MAN1B1: variants seen among roughly 807,000 people sequenced by gnomAD.
MAN1B1 encodes the protein mannosidase alpha class 1B member 1.
In MAN1B1, 66 loss-of-function variants were observed where a neutral mutation model predicts 75.5. The observed-to-expected ratio is 0.87, with a 90% CI of 0.72 to 1.07. The LOEUF (loss-of-function observed/expected upper bound fraction) is 1.07. Among genes scored for constraint, MAN1B1 ranks in the 50% least tolerant of loss-of-function variants. MAN1B1 has a pLI of 0.00. For missense variants in MAN1B1, 973 were observed against 912.5 expected (o/e 1.07, Z -0.85); for synonymous variants, 453 against 382.8 (o/e 1.18, Z -2.14).
intron 8 of MAN1B1, chr9:137,102,293 G>A (rs1830858220): frequency 2.7e-6 from 1 of 375,460 alleles, no homozygotes; most frequent in East Asian, 9.1e-5. Flanking sequence ...ATTCACTGTT[G>A]CAGGCGTGCA....
At chr9:137,097,746 C>G in intron 4 of MAN1B1, 82 bp from the exon 5 acceptor site, 1 of 1,090,220 alleles carries the variant, frequency 9.2e-7, no homozygotes, top group South Asian at 1.3e-5. Context: ...TGTGCCTTGG[C>G]CGTGGGTATG....
intron 3 of MAN1B1, among the ~76,000 whole-genome samples, chr9:137,091,716 CGG>C (rs1830522793): frequency 6.6e-6 from 1 of 151,182 alleles, no homozygotes; most frequent in Non-Finnish European, 1.5e-5. Flanking sequence ...TTAGTAGAGA[CGG>C]GGTTTCACCG....
intron 3 of MAN1B1, among the ~76,000 whole-genome samples, chr9:137,091,536 T>A (rs1188179444): frequency 1.6e-4 from 24 of 147,298 alleles, no homozygotes; most frequent in African/African-American, 5.4e-4. Flanking sequence ...TTTTTTTTTT[T>A]TTTTTTTTGA....
intron 7 of MAN1B1, 99 bp downstream of exon 7, chr9:137,101,252 C>G (rs1407627340): frequency 1.4e-6 from 2 of 1,470,904 alleles, no homozygotes; most frequent in African/African-American, 2.8e-5. Context: ...TTCCTGTTTC[C>G]TCTTCAAATG....
At chr9:137,091,205 TG>T (rs1830503542) in intron 3 of MAN1B1, among the ~76,000 whole-genome samples, 1 of 152,230 alleles carries the variant, frequency 6.6e-6, no homozygotes, top group Admixed American at 6.5e-5. Context: ...TCGTCTCCTT[TG>T]CATATGGAGT....
At chr9:137,103,638 G>T in intron 8 of MAN1B1, 1 of 387,448 alleles carries the variant, frequency 2.6e-6, no homozygotes. Flanking sequence ...CGTGCAGGTC[G>T]GTGTTACACA....
intron 3 of MAN1B1, 98 bp downstream of exon 3, chr9:137,089,103 A>G: frequency 6.9e-7 from 1 of 1,447,754 alleles, no homozygotes; most frequent in South Asian, 1.1e-5. Flanking sequence ...TTTACCATTT[A>G]TTACCACGTG....
chr9:137,102,937 C>G (rs1371645807), intron 8 of MAN1B1: 3 of 345,960 alleles, frequency 8.7e-6, no homozygotes, highest in African/African-American at 3.7e-5. Flanking sequence ...TGCAGGCATG[C>G]AGGTCGGTGG....
rs767564621 is a variant in MAN1B1 at position 137,097,867 on chromosome 9, G to C, written c.660G>C (p.Glu220Asp). The change falls in exon 5 of 13, where the codon GAG becomes GAC. Residue 220 changes from glutamate (E) to aspartate (D), a missense_variant. Coordinates refer to ENST00000371589, the MANE Select transcript of MAN1B1 (RefSeq NM_016219.5). ...TGATCGAGCCTGAGCAGGGCACCGA[G>C]CTCCCTTCAAGAAGAGCAGAAGTGC... ...GAVIEPEQGT[E>D]LPSRRAEVPT... 1.3e-6 allele frequency: 2 copies of C among 1,559,142 alleles called. No individual in the cohort carries two copies. Among genetic ancestry groups the C allele is most frequent in the Non-Finnish European group, 8.7e-7 (1 of 1,152,102 alleles).
chr9:137,088,332 A>G (rs1228438290), intron 2 of MAN1B1, 149 bp downstream of exon 2: 2 of 1,601,792 alleles, frequency 1.2e-6, no homozygotes, highest in Non-Finnish European at 8.5e-7. Context: ...GTAGAGCTGT[A>G]TGTAACCACC....
intron 6 of MAN1B1, among the ~76,000 whole-genome samples, chr9:137,100,580 T>C (rs1830782673): frequency 6.6e-6 from 1 of 152,208 alleles, no homozygotes; most frequent in African/African-American, 2.4e-5. Context: ...TGGAGTGCAA[T>C]GGCGCAATCT....
At chr9:137,106,512 T>TG (rs553995341) in intron 9 of MAN1B1, 177 bp from the exon 10 acceptor site, 46 of 1,087,544 alleles carry the variant, frequency 4.2e-5, no homozygotes, top group South Asian at 2.7e-4. Flanking sequence ...CCGTGGCCTC[T>TG]GGGGGGGTGA....
In MAN1B1 at chr9:137,107,390, C is replaced by G. The variant is rs139920960; in HGVS notation, c.1707C>G (p.Pro569=). The G allele has an allele frequency of 3.5e-5, 56 of 1,613,346 alleles. No individual in the cohort carries two copies. The highest frequency in any genetic ancestry group is 4.5e-5 in the Non-Finnish European group (53 of 1,180,012). ...GGCAGATGGAGACGGGGCTGAGTCCCGAGATCGTGCACTTCAACCTTTACC... is the reference window on the plus strand; with the variant it reads ...GGCAGATGGAGACGGGGCTGAGTCCGGAGATCGTGCACTTCAACCTTTACC... The part of the protein sequence containing the change: ...MNRQMETGLS[P]EIVHFNLYPQ... The change falls in exon 11 of 13, where the codon CCC becomes CCG. Residue 569 remains proline (P), a synonymous_variant. Coordinates refer to ENST00000371589, the MANE Select transcript of MAN1B1 (RefSeq NM_016219.5).
Position 137,099,886 on chromosome 9 carries a change from C to T in MAN1B1, c.916+5C>T. The stretch of plus-strand genomic sequence containing the variant: ...GGATCTTGGGTCTGAGGAAAGGTAC[C>T]TGGTGCTTTCTGGGGAGGGGCTGAG... On this transcript the variant is annotated splice_donor_5th_base_variant and intron_variant, in intron 6 of 12. Transcript: ENST00000371589. The T allele has an allele frequency of 1.2e-6, 2 of 1,614,050 alleles. No individual in the cohort carries two copies. The highest frequency in any genetic ancestry group is 2.2e-5 in the South Asian group (2 of 91,086).
intron 4 of MAN1B1, among the ~76,000 whole-genome samples, chr9:137,096,730 C>T (rs921253375): frequency 1.3e-5 from 2 of 152,170 alleles, no homozygotes; most frequent in African/African-American, 2.4e-5. Context: ...CCCATCTGGT[C>T]GAGCAGAGAG....
At chr9:137,104,350 T>C in intron 8 of MAN1B1, 1 of 303,452 alleles carries the variant, frequency 3.3e-6, no homozygotes, top group Non-Finnish European at 6.4e-6. Flanking sequence ...TTCTCCTGCC[T>C]CAGCCTCCCA....
intron 3 of MAN1B1, among the ~76,000 whole-genome samples, chr9:137,095,432 G>T (rs1343838670): frequency 1.3e-5 from 2 of 152,000 alleles, no homozygotes; most frequent in Non-Finnish European, 2.9e-5. Context: ...CAAAATTATG[G>T]CTTGTGCCGG....
At chr9:137,106,647 T>C (rs1831119203) in intron 9 of MAN1B1, 42 bp from the exon 10 acceptor site, 1 of 1,612,352 alleles carries the variant, frequency 6.2e-7, no homozygotes, top group South Asian at 1.1e-5. Context: ...CGGGAGCCGA[T>C]GCACCGTCCT....
intron 3 of MAN1B1, among the ~76,000 whole-genome samples, chr9:137,095,065 G>A (rs567205097): frequency 3.3e-5 from 5 of 151,862 alleles, no homozygotes; most frequent in Non-Finnish European, 7.4e-5. Flanking sequence ...ACACGCGCCT[G>A]TAATCCCAGC....
Sources: gnomAD v4.1 joint callset for allele counts (sites outside exome capture counted in the v4.1 genomes callset) on GRCh38, gnomAD v4.1.1 for gene constraint, MANE v1.5 for transcripts, NCBI Gene and HGNC (gene_info 2026-07-23, HGNC 2026-07-21) for gene names.